The following CTNNA3 variants were observed in gnomAD, a reference collection of about 807,000 sequenced individuals.
The protein encoded by CTNNA3 is catenin alpha 3, also known as catenin alpha-3.
CTNNA3 carries 76 observed loss-of-function variants against 95.7 expected under a neutral mutation model. The observed-to-expected ratio is 0.79, with a 90% CI of 0.66 to 0.96. CTNNA3 has a LOEUF of 0.96. CTNNA3 is among the 40% of genes least tolerant of loss of function. The pLI is 0.00. For synonymous variants in CTNNA3, 431 were observed against 374.4 expected (o/e 1.15, Z -1.74); for missense variants, 1,191 against 1,089.8 (o/e 1.09, Z -1.31).
At position 67,089,971 on chromosome 10, in the gene CTNNA3, A is replaced by C. The variant is rs147623575; in HGVS notation, c.1047+90346T>G. On this transcript the variant is annotated intron_variant, in intron 7 of 17. Coordinates refer to ENST00000433211, the MANE Select transcript of CTNNA3 (RefSeq NM_013266.4). ...TAAAGAAAAAATTCAAGACAAGTAT[A>C]GTCTCATATGAAACAAAATAATCAA... Among the ~76,000 whole-genome samples the C allele has an allele frequency of 2.3e-3, 354 of 152,206 alleles. 3 individuals carry two copies. The highest frequency in any genetic ancestry group is 7.7e-3 in the African/African-American group (322 of 41,554).
chr10:65,967,893 T>C (rs1273490242), intron 16 of CTNNA3, among the ~76,000 whole-genome samples: 4 of 152,168 alleles, frequency 2.6e-5, no homozygotes, highest in Non-Finnish European at 5.9e-5. Flanking sequence ...ATTGTAGCAT[T>C]ATGTATAATA....
intron 5 of CTNNA3, among the ~76,000 whole-genome samples, chr10:67,291,716 G>A (rs972311923): frequency 2.0e-5 from 3 of 152,078 alleles, no homozygotes; most frequent in African/African-American, 7.2e-5. Context: ...CAAAAAGAAA[G>A]CTTTGCATAT....
intron 5 of CTNNA3, among the ~76,000 whole-genome samples, chr10:67,331,340 T>TA (rs1841786494): frequency 6.6e-6 from 1 of 152,212 alleles, no homozygotes; most frequent in Non-Finnish European, 1.5e-5. Flanking sequence ...CTGCTGTGTT[T>TA]CCATTTTCCA....
chr10:66,132,886 T>G (rs1366154448), intron 13 of CTNNA3, among the ~76,000 whole-genome samples: 1 of 151,924 alleles, frequency 6.6e-6, no homozygotes, highest in Non-Finnish European at 1.5e-5. Context: ...CGACAGACAC[T>G]GGGGACTACC....
At chr10:67,622,871 T>C (rs1355841418) in intron 2 of CTNNA3, among the ~76,000 whole-genome samples, 2 of 152,238 alleles carry the variant, frequency 1.3e-5, no homozygotes, top group African/African-American at 4.8e-5. Flanking sequence ...GAATTAAGTT[T>C]ATTTCTTCAT....
intron 7 of CTNNA3, among the ~76,000 whole-genome samples, chr10:67,084,344 C>G (rs1857195832): frequency 6.6e-6 from 1 of 152,018 alleles, no homozygotes; most frequent in African/African-American, 2.4e-5. Flanking sequence ...TGTTGGGCAA[C>G]AGTCACTAAC....
intron 5 of CTNNA3, among the ~76,000 whole-genome samples, chr10:67,229,729 A>G (rs973598398): frequency 2.0e-5 from 3 of 152,286 alleles, no homozygotes; most frequent in African/African-American, 7.2e-5. Flanking sequence ...TGCTGCAAAA[A>G]ATAAAATAAA....
chr10:66,664,316 T>C (rs1846367058), intron 9 of CTNNA3, among the ~76,000 whole-genome samples: 1 of 152,134 alleles, frequency 6.6e-6, no homozygotes, highest in African/African-American at 2.4e-5. Context: ...ATCAGATTTA[T>C]AGCACTAACT....
chr10:67,556,219 T>G (rs577549957), intron 3 of CTNNA3, among the ~76,000 whole-genome samples: 1 of 152,326 alleles, frequency 6.6e-6, no homozygotes, highest in Admixed American at 6.5e-5. Context: ...AATCCTCTTT[T>G]TTTGTTGTGT....
chr10:66,071,418 A>G (rs969441508), intron 14 of CTNNA3, among the ~76,000 whole-genome samples: 3 of 27,188 alleles, frequency 1.1e-4, no homozygotes, highest in African/African-American at 2.2e-4. Flanking sequence ...CCTATGAGGA[A>G]TTATTATTAT....
intron 7 of CTNNA3, among the ~76,000 whole-genome samples, chr10:66,790,617 A>T (rs188233621): frequency 8.5e-4 from 129 of 152,304 alleles, no homozygotes; most frequent in Middle Eastern, 3.4e-3. Context: ...TAGTCTATAA[A>T]CATCATTTTA....
intron 3 of CTNNA3, among the ~76,000 whole-genome samples, chr10:67,580,355 C>T (rs1192412205): frequency 6.6e-6 from 1 of 151,962 alleles, no homozygotes; most frequent in Non-Finnish European, 1.5e-5. Context: ...TGTCAAAGAT[C>T]AGATGGTTGT....
chr10:66,152,601 GAA>G (rs1296713259), intron 13 of CTNNA3, among the ~76,000 whole-genome samples: 5 of 151,886 alleles, frequency 3.3e-5, no homozygotes, highest in African/African-American at 1.2e-4. Context: ...TTTAAGATGA[GAA>G]AGAGTGTATA....
chr10:67,223,963 CAAAT>C (rs1864776575), intron 5 of CTNNA3, among the ~76,000 whole-genome samples: 1 of 152,100 alleles, frequency 6.6e-6, no homozygotes, highest in Non-Finnish European at 1.5e-5. Context: ...GTACAATTAA[CAAAT>C]AAAAATTGTG....
chr10:66,410,919 T>C (rs2093099338), intron 11 of CTNNA3, among the ~76,000 whole-genome samples: 1 of 152,308 alleles, frequency 6.6e-6, no homozygotes, highest in East Asian at 1.9e-4. Context: ...TTAAAGGCAA[T>C]TGAGCCCTCT....
chr10:67,137,548 T>C (rs957371428), intron 7 of CTNNA3, among the ~76,000 whole-genome samples: 16 of 152,304 alleles, frequency 1.1e-4, no homozygotes, highest in Admixed American at 4.6e-4. Flanking sequence ...TTTAGTTTTG[T>C]AACAAATCAT....
At chr10:66,444,902 C>T (rs563464063) in intron 11 of CTNNA3, among the ~76,000 whole-genome samples, 11 of 152,134 alleles carry the variant, frequency 7.2e-5, no homozygotes, top group African/African-American at 1.9e-4. Context: ...AGTCAAGACC[C>T]ATCAGTGTGC....
At chr10:66,280,212 C>T (rs1217240057) in intron 13 of CTNNA3, among the ~76,000 whole-genome samples, 4 of 152,020 alleles carry the variant, frequency 2.6e-5, no homozygotes, top group Non-Finnish European at 5.9e-5. Context: ...ACAAATCCTG[C>T]ACCCAACAAA....
chr10:66,091,425 T>C (rs2081208721), intron 14 of CTNNA3, among the ~76,000 whole-genome samples: 1 of 151,934 alleles, frequency 6.6e-6, no homozygotes, highest in Admixed American at 6.6e-5. Context: ...AGGTCTCTTT[T>C]CCCAAAGCAC....
Sources: allele counts gnomAD v4.1 joint callset (sites outside exome capture counted in the v4.1 genomes callset), GRCh38; gene constraint gnomAD v4.1.1; transcripts MANE v1.5; gene names NCBI Gene and HGNC (gene_info 2026-07-23, HGNC 2026-07-21).